The following RALYL variants were observed in gnomAD, a reference collection of about 807,000 sequenced individuals.
RALYL encodes RALY RNA binding protein like.
RALYL carries 29 observed loss-of-function variants against 35.1 expected under a neutral mutation model. The observed-to-expected ratio is 0.83, with a 90% CI of 0.61 to 1.13. RALYL has a LOEUF of 1.13. RALYL is among the 50% of genes most tolerant of loss of function. The probability of loss-of-function intolerance (pLI) is 0.00; values close to 1 mark genes in which losing one functional copy is unlikely to be tolerated. For synonymous variants in RALYL, 120 were observed against 127.6 expected (o/e 0.94, Z 0.40); for missense variants, 359 against 360.4 (o/e 1.00, Z 0.03).
At chr8:84,817,474 GCAATTTGTTTAA>G (rs1827599359) in intron 4 of RALYL, among the ~76,000 whole-genome samples, 1 of 151,508 alleles carries the variant, frequency 6.6e-6, no homozygotes, top group Admixed American at 6.6e-5. Context: ...GATGGCTTTA[GCAATTTGTTTAA>G]CTTTCCTGAG....
chr8:84,691,005 C>A (rs1421014028), intron 2 of RALYL, among the ~76,000 whole-genome samples: 1 of 151,996 alleles, frequency 6.6e-6, no homozygotes, highest in Non-Finnish European at 1.5e-5. Context: ...CTTTGTAAGA[C>A]TGATTTTTGA....
chr8:84,456,657 G>T lies in RALYL; in HGVS notation c.-23-72642G>T, dbSNP rs146003573. ...TCATTGCGTTCCTACTATGGCACAG[G>T]CACTGGGCATCTACAAAAGAATAAG... On this transcript the variant is annotated intron_variant, in intron 1 of 8. Coordinates refer to ENST00000521268, the MANE Select transcript of RALYL (RefSeq NM_173848.7). Among the ~76,000 whole-genome samples, 7 of 152,080 alleles carry T rather than the reference G, an allele frequency of 4.6e-5. No individual in the cohort carries two copies. In the East Asian group the frequency reaches 1.4e-3, roughly 30 times the overall value.
intron 1 of RALYL, among the ~76,000 whole-genome samples, chr8:84,315,244 TTAAA>T: frequency 6.6e-6 from 1 of 152,190 alleles, no homozygotes; most frequent in East Asian, 1.9e-4. Context: ...TGAACACTGA[TTAAA>T]TAATTTATAT....
intron 4 of RALYL, among the ~76,000 whole-genome samples, chr8:84,808,268 C>A (rs1003658183): frequency 6.6e-6 from 1 of 152,132 alleles, no homozygotes; most frequent in African/African-American, 2.4e-5. Flanking sequence ...GTGTCCTTTT[C>A]CCACTTTATG....
chr8:84,806,073 A>G (rs754204177), intron 4 of RALYL, among the ~76,000 whole-genome samples: 1 of 152,216 alleles, frequency 6.6e-6, no homozygotes, highest in South Asian at 2.1e-4. Context: ...ATTTCTATCA[A>G]TCACTCATTC....
intron 1 of RALYL, among the ~76,000 whole-genome samples, chr8:84,223,484 T>A (rs1181250363): frequency 1.3e-5 from 2 of 152,094 alleles, no homozygotes; most frequent in African/African-American, 4.8e-5. Context: ...GAATATTCAC[T>A]ATAAGAAAAG....
intron 4 of RALYL, among the ~76,000 whole-genome samples, chr8:84,813,051 T>C (rs1826283323): frequency 6.6e-6 from 1 of 152,196 alleles, no homozygotes; most frequent in South Asian, 2.1e-4. Flanking sequence ...CAGGCAGGAA[T>C]GGCCTGCTTG....
At chr8:84,731,735 G>T (rs969782297) in intron 2 of RALYL, among the ~76,000 whole-genome samples, 3 of 151,934 alleles carry the variant, frequency 2.0e-5, no homozygotes, top group Admixed American at 1.3e-4. Flanking sequence ...TTCACATTCT[G>T]CCCCCTAAAA....
chr8:84,844,309 GA>G (rs1834107558), intron 4 of RALYL, among the ~76,000 whole-genome samples: 1 of 152,052 alleles, frequency 6.6e-6, no homozygotes, highest in South Asian at 2.1e-4. Flanking sequence ...GTGGGCAAAG[GA>G]CCTGAACAGA....
intron 2 of RALYL, among the ~76,000 whole-genome samples, chr8:84,674,325 G>A (rs938854660): frequency 6.6e-6 from 1 of 152,122 alleles, no homozygotes; most frequent in Non-Finnish European, 1.5e-5. Context: ...TGCAAACAGG[G>A]ATAGTTTAAC....
chr8:84,520,570 A>G (rs1360481104), intron 1 of RALYL, among the ~76,000 whole-genome samples: 1 of 152,178 alleles, frequency 6.6e-6, no homozygotes, highest in Non-Finnish European at 1.5e-5. Context: ...GGCTCCAGAC[A>G]GGTATCGGTC....
intron 7 of RALYL, among the ~76,000 whole-genome samples, chr8:84,876,035 T>A (rs1430375231): frequency 6.6e-6 from 1 of 152,162 alleles, no homozygotes; most frequent in Non-Finnish European, 1.5e-5. Context: ...AGTATCTTTT[T>A]TTTGGAAGCG....
intron 7 of RALYL, among the ~76,000 whole-genome samples, chr8:84,878,141 C>T (rs1841519179): frequency 6.6e-6 from 1 of 152,116 alleles, no homozygotes; most frequent in Non-Finnish European, 1.5e-5. Flanking sequence ...TCCTATGTCC[C>T]AGCTATCCCA....
intron 1 of RALYL, among the ~76,000 whole-genome samples, chr8:84,320,576 G>T (rs1186035250): frequency 6.6e-6 from 1 of 151,910 alleles, no homozygotes; most frequent in African/African-American, 2.4e-5. Flanking sequence ...AAATACCAAA[G>T]ATACAGAATT....
intron 4 of RALYL, among the ~76,000 whole-genome samples, chr8:84,832,327 T>G (rs1226186014): frequency 6.6e-6 from 1 of 152,146 alleles, no homozygotes; most frequent in Non-Finnish European, 1.5e-5. Context: ...AAACTGATAC[T>G]AATGACCTCT....
intron 4 of RALYL, among the ~76,000 whole-genome samples, chr8:84,848,663 G>A (rs967076572): frequency 6.6e-6 from 1 of 152,146 alleles, no homozygotes; most frequent in Admixed American, 6.6e-5. Context: ...ATTGTTTAAT[G>A]AGTATAAAGT....
chr8:84,405,879 G>GCACGATCTCGGCTCACTGC (rs1417820746), intron 1 of RALYL, among the ~76,000 whole-genome samples: 1 of 142,304 alleles, frequency 7.0e-6, no homozygotes, highest in Non-Finnish European at 1.5e-5. Flanking sequence ...AGGCTCAGTG[G>GCACGATCTCGGCTCACTGC]CACGATCTCG....
At chr8:84,911,692 G>A (rs940319395) in intron 8 of RALYL, among the ~76,000 whole-genome samples, 6 of 152,064 alleles carry the variant, frequency 3.9e-5, no homozygotes, top group Admixed American at 2.0e-4. Context: ...CCCATTTCAT[G>A]TACCAGTGCA....
intron 2 of RALYL, among the ~76,000 whole-genome samples, chr8:84,683,656 T>C (rs546929778): frequency 4.5e-4 from 68 of 152,116 alleles, no homozygotes; most frequent in Middle Eastern, 3.4e-3. Context: ...GAAGCTAGGT[T>C]TTTTTGTTTT....
Sources: allele counts gnomAD v4.1 joint callset (sites outside exome capture counted in the v4.1 genomes callset), GRCh38; gene constraint gnomAD v4.1.1; transcripts MANE v1.5; gene names NCBI Gene and HGNC (gene_info 2026-07-23, HGNC 2026-07-21).